Variants in FAM200B observed in about 807,000 individuals in gnomAD.
The protein encoded by FAM200B is zinc finger BED-type containing 11.
In FAM200B, 32 loss-of-function variants were observed where a neutral mutation model predicts 33.1. That is an observed-to-expected ratio of 0.97 (90% CI 0.73 to 1.30). FAM200B has a LOEUF of 1.30. FAM200B is among the 50% of genes most tolerant of loss of function. FAM200B has a pLI of 0.00. For synonymous variants in FAM200B, 240 were observed against 264.8 expected (o/e 0.91, Z 0.91); for missense variants, 741 against 754.0 (o/e 0.98, Z 0.20).
At chr4:15,679,496 G>C (rs144941905), upstream of FAM200B, among the ~76,000 whole-genome samples, 19 of 148,718 alleles carry the variant, frequency 1.3e-4, no homozygotes, top group East Asian at 3.0e-3. Context: ...GATCACAAGA[G>C]ATTTTGATTT....
chr4:15,656,314 C>G, the FAM200B span: 104 of 456,258 alleles, frequency 2.3e-4, no homozygotes, highest in African/African-American at 1.4e-3. Context: ...TCACGCCGGT[C>G]AGTCTTAGAT....
At chr4:15,673,661 A>T in the FAM200B span, among the ~76,000 whole-genome samples, 1 of 152,308 alleles carries the variant, frequency 6.6e-6, no homozygotes, top group East Asian at 1.9e-4. Flanking sequence ...CCTTGGCCTC[A>T]GGTCATTTCC....
the FAM200B span, among the ~76,000 whole-genome samples, chr4:15,648,679 A>T: frequency 6.6e-6 from 1 of 152,238 alleles, no homozygotes; most frequent in Non-Finnish European, 1.5e-5. Context: ...TCACAGAAGC[A>T]GAGAATATGA....
chr4:15,672,248 G>A, the FAM200B span, among the ~76,000 whole-genome samples: 2 of 152,192 alleles, frequency 1.3e-5, no homozygotes, highest in Non-Finnish European at 2.9e-5. Context: ...CCAATGCTCC[G>A]TGAATGAGGC....
chr4:15,644,477 C>T, the FAM200B span: 2 of 1,584,854 alleles, frequency 1.3e-6, no homozygotes, highest in Non-Finnish European at 1.7e-6. Context: ...GTTGAATATC[C>T]ATTTTTGCAA....
At chr4:15,667,434 TGAGACTAAGCAAAA>T in the FAM200B span, among the ~76,000 whole-genome samples, 1 of 151,944 alleles carries the variant, frequency 6.6e-6, no homozygotes, top group African/African-American at 2.4e-5. Context: ...TTCATCCAAA[TGAGACTAAGCAAAA>T]TCATATATTA....
chr4:15,682,426 G>A (rs573142474), intron 1 of FAM200B, among the ~76,000 whole-genome samples: 3 of 152,284 alleles, frequency 2.0e-5, no homozygotes, highest in Admixed American at 6.5e-5. Context: ...CTGAATTGGA[G>A]AAATAAATGA....
chr4:15,688,137 G>T lies in FAM200B; in HGVS notation c.1160G>T (p.Arg387Leu). The T allele has an allele frequency of 6.4e-7, 1 of 1,550,852 alleles. No individual in the cohort carries two copies. Among genetic ancestry groups the T allele is most frequent in the Non-Finnish European group, 8.7e-7 (1 of 1,146,636 alleles). ...CACTTACTATATCATACCAAAATTC[G>T]TTGGTTGTCTCAAGGGAAAATACTA... is the stretch of plus-strand genomic sequence containing the variant. The part of the protein sequence containing the change: ...HTHLLYHTKI[R>L]WLSQGKILSR... The change falls in exon 2 of 2, where the codon CGT becomes CTT. Residue 387 changes from arginine to leucine, a missense_variant. Coordinates refer to ENST00000422728, the MANE Select transcript of FAM200B (RefSeq NM_001145191.2).
the FAM200B span, among the ~76,000 whole-genome samples, chr4:15,672,504 T>C: frequency 5.0e-4 from 76 of 152,334 alleles, no homozygotes; most frequent in East Asian, 7.9e-3. Flanking sequence ...TCAGTTACTG[T>C]ACTGAATTTG....
In FAM200B at chr4:15,688,287, G is replaced by A. The variant is rs959305542; in HGVS notation, c.1310G>A (p.Ser437Asn). ...TTGGCATATTTAACTGATATTTTTA[G>A]CATTCTTAATGAACTGAGTTTAAAA... ...TKLAYLTDIF[S>N]ILNELSLKLQ... Residue 437 changes from serine (S) to asparagine (N), a missense_variant, in exon 2 of 2, where the codon AGC (serine) becomes AAC (asparagine). Coordinates refer to ENST00000422728, the MANE Select transcript of FAM200B (RefSeq NM_001145191.2). The A allele has an allele frequency of 4.2e-5, 65 of 1,548,550 alleles. No homozygotes were observed. Among genetic ancestry groups the A allele is most frequent in the Non-Finnish European group, 5.1e-5 (58 of 1,144,446 alleles).
chr4:15,688,738 A>C lies in FAM200B; in HGVS notation c.1761A>C (p.Val587=), dbSNP rs1192668456. 1.3e-6 allele frequency: 2 copies of C among 1,550,538 alleles called. No individual in the cohort carries two copies. The highest frequency in any genetic ancestry group is 3.9e-5 in the Admixed American group (2 of 50,960). ...GTTTATCAGCATTTTGGATGAAGGT[A>C]AAGGAAGACTTTCCATTGTTAAGTA... ...TLSLSAFWMK[V]KEDFPLLSRK... The change falls in exon 2 of 2, where the codon GTA becomes GTC. Residue 587 remains valine (V), a synonymous_variant. Coordinates refer to ENST00000422728, the MANE Select transcript of FAM200B (RefSeq NM_001145191.2).
the FAM200B span, among the ~76,000 whole-genome samples, chr4:15,637,312 A>G: frequency 6.6e-6 from 1 of 152,230 alleles, no homozygotes; most frequent in Non-Finnish European, 1.5e-5. Context: ...GTCAGCAACT[A>G]TTGCAGGAAG....
the FAM200B span, among the ~76,000 whole-genome samples, chr4:15,662,889 T>C: frequency 3.3e-5 from 5 of 152,210 alleles, no homozygotes; most frequent in Non-Finnish European, 7.3e-5. Context: ...GTGTGCACAA[T>C]TGTTACTACC....
the FAM200B span, chr4:15,655,400 G>A: frequency 9.7e-7 from 1 of 1,028,026 alleles, no homozygotes; most frequent in Non-Finnish European, 1.2e-6. Flanking sequence ...CCCCGTCGGC[G>A]CGCGCGCCCG....
At chr4:15,645,960 T>C in the FAM200B span, among the ~76,000 whole-genome samples, 2 of 152,200 alleles carry the variant, frequency 1.3e-5, no homozygotes, top group African/African-American at 4.8e-5. Context: ...AAAACAAAGA[T>C]TTCTTGCCTT....
the FAM200B span, among the ~76,000 whole-genome samples, chr4:15,642,335 C>T: frequency 3.3e-5 from 5 of 151,528 alleles, no homozygotes; most frequent in Non-Finnish European, 7.4e-5. Flanking sequence ...CAGGTTCATG[C>T]GATTCTCCCA....
chr4:15,647,758 T>C, the FAM200B span, among the ~76,000 whole-genome samples: 2 of 152,182 alleles, frequency 1.3e-5, no homozygotes. Context: ...ATTGCCTAGG[T>C]GTAAATCCAT....
the FAM200B span, among the ~76,000 whole-genome samples, chr4:15,675,696 C>T: frequency 6.6e-6 from 1 of 151,452 alleles, no homozygotes; most frequent in Non-Finnish European, 1.5e-5. Context: ...ATTCTCCTGC[C>T]TCAGCCTCCC....
At chr4:15,640,390 A>G in the FAM200B span, among the ~76,000 whole-genome samples, 1 of 88,294 alleles carries the variant, frequency 1.1e-5, no homozygotes, top group African/African-American at 4.6e-5. Flanking sequence ...AAACTACACT[A>G]CTGAAAAAAA....
Sources: allele counts gnomAD v4.1 joint callset (sites outside exome capture counted in the v4.1 genomes callset), GRCh38; gene constraint gnomAD v4.1.1; transcripts MANE v1.5; gene names NCBI Gene and HGNC (gene_info 2026-07-23, HGNC 2026-07-21).